ARL15: variants seen among roughly 807,000 people sequenced by gnomAD.
The protein encoded by ARL15 is ADP-ribosylation factor-like protein 15.
A neutral mutation model predicts 25.2 loss-of-function variants in ARL15; 19 were observed. That is an observed-to-expected ratio of 0.75 (90% CI 0.53 to 1.10). The LOEUF (loss-of-function observed/expected upper bound fraction) is 1.10. Among genes scored for constraint, ARL15 ranks in the 50% least tolerant of loss-of-function variants. ARL15 has a pLI of 0.00. For synonymous variants in ARL15, 94 were observed against 86.8 expected (o/e 1.08, Z -0.46); for missense variants, 220 against 246.0 (o/e 0.89, Z 0.71).
intron 1 of ARL15, among the ~76,000 whole-genome samples, chr5:54,221,473 T>A (rs1216094674): frequency 1.3e-5 from 2 of 152,288 alleles, no homozygotes; most frequent in Admixed American, 1.3e-4. Flanking sequence ...TCCTCTTACT[T>A]AAGGGATTTT....
At chr5:54,303,715 G>GA (rs1228795206) in intron 1 of ARL15, among the ~76,000 whole-genome samples, 2 of 126,892 alleles carry the variant, frequency 1.6e-5, no homozygotes, top group South Asian at 2.7e-4. Context: ...AGGAGGAGAG[G>GA]AAAAAAAGAA....
intron 4 of ARL15, among the ~76,000 whole-genome samples, chr5:54,054,336 T>A (rs1359404591): frequency 6.6e-6 from 1 of 152,212 alleles, no homozygotes; most frequent in Non-Finnish European, 1.5e-5. Context: ...CACCAGTGGA[T>A]TATGTATAAG....
chr5:53,935,996 G>A (rs1746338043), intron 4 of ARL15, among the ~76,000 whole-genome samples: 1 of 152,090 alleles, frequency 6.6e-6, no homozygotes, highest in African/African-American at 2.4e-5. Flanking sequence ...TGATCCACCT[G>A]CCTCAGCCTC....
intron 1 of ARL15, among the ~76,000 whole-genome samples, chr5:54,246,138 C>CTT (rs11318745): frequency 6.8e-6 from 1 of 147,576 alleles, no homozygotes; most frequent in Non-Finnish European, 1.5e-5. Flanking sequence ...TCTTCACTCA[C>CTT]TTTTTTTTTT....
intron 4 of ARL15, among the ~76,000 whole-genome samples, chr5:53,892,972 T>C (rs1744768054): frequency 6.6e-6 from 1 of 152,156 alleles, no homozygotes; most frequent in Admixed American, 6.5e-5. Context: ...CAAGAGAGCC[T>C]GAATGGACAG....
intron 3 of ARL15, among the ~76,000 whole-genome samples, chr5:54,148,466 A>T (rs1753974264): frequency 6.6e-6 from 1 of 152,230 alleles, no homozygotes; most frequent in Non-Finnish European, 1.5e-5. Flanking sequence ...GCAAACGAGT[A>T]AATGAACACA....
At chr5:53,899,558 A>G (rs1744997811) in intron 4 of ARL15, among the ~76,000 whole-genome samples, 1 of 151,816 alleles carries the variant, frequency 6.6e-6, no homozygotes, top group South Asian at 2.1e-4. Flanking sequence ...TTTCCTAAGG[A>G]TGAACAAACA....
chr5:54,285,869 G>A (rs560207185), intron 1 of ARL15, among the ~76,000 whole-genome samples: 1 of 152,094 alleles, frequency 6.6e-6, no homozygotes, highest in Non-Finnish European at 1.5e-5. Context: ...AGAGAGTGAC[G>A]ACCCGTTCCA....
intron 4 of ARL15, among the ~76,000 whole-genome samples, chr5:53,898,951 G>A (rs1192950312): frequency 6.6e-6 from 1 of 152,084 alleles, no homozygotes; most frequent in Non-Finnish European, 1.5e-5. Context: ...ACTGTACCCA[G>A]CCCCTTTTTA....
intron 4 of ARL15, among the ~76,000 whole-genome samples, chr5:53,970,867 G>A (rs1747729678): frequency 6.6e-6 from 1 of 152,156 alleles, no homozygotes; most frequent in African/African-American, 2.4e-5. Context: ...AAACACACTG[G>A]CTAGTGCCAA....
intron 1 of ARL15, among the ~76,000 whole-genome samples, chr5:54,209,183 AAGATGTGTGTTGGGGTGAATGGAG>A (rs1447621416): frequency 1.3e-5 from 2 of 152,160 alleles, no homozygotes; most frequent in African/African-American, 2.4e-5. Context: ...GGGGGAGGTA[AAGATGTGTGTTGGGGTGAATGGAG>A]AGAGAAAAGA....
chr5:53,936,372 A>G (rs972251660), intron 4 of ARL15, among the ~76,000 whole-genome samples: 1 of 152,212 alleles, frequency 6.6e-6, no homozygotes, highest in Non-Finnish European at 1.5e-5. Flanking sequence ...TCAAGGTCAC[A>G]TGGCTAGAAA....
intron 1 of ARL15, among the ~76,000 whole-genome samples, chr5:54,288,142 T>C (rs1466080199): frequency 1.3e-5 from 2 of 152,188 alleles, no homozygotes; most frequent in Admixed American, 6.5e-5. Context: ...CCAGGAGAAG[T>C]AGACCCAGAG....
At chr5:54,158,613 G>A (rs1455500707) in intron 2 of ARL15, among the ~76,000 whole-genome samples, 1 of 152,176 alleles carries the variant, frequency 6.6e-6, no homozygotes, top group Non-Finnish European at 1.5e-5. Flanking sequence ...GGTGGCTCAC[G>A]CCTGTAATCC....
At chr5:53,964,413 G>A (rs990605510) in intron 4 of ARL15, among the ~76,000 whole-genome samples, 9 of 152,188 alleles carry the variant, frequency 5.9e-5, no homozygotes, top group South Asian at 2.1e-4. Flanking sequence ...ATGCTGGAGT[G>A]CAGTGGCGTG....
At chr5:53,983,021 G>A (rs1748175301) in intron 4 of ARL15, among the ~76,000 whole-genome samples, 4 of 152,128 alleles carry the variant, frequency 2.6e-5, no homozygotes, top group Admixed American at 6.5e-5. Context: ...TCCAGTTTTT[G>A]ATGCAGTTGT....
intron 4 of ARL15, among the ~76,000 whole-genome samples, chr5:53,937,740 T>A (rs1746396771): frequency 6.6e-6 from 1 of 151,514 alleles, no homozygotes; most frequent in Non-Finnish European, 1.5e-5. Flanking sequence ...CACACAATGG[T>A]GAAATCACCT....
At chr5:53,908,170 A>T (rs898027127) in intron 4 of ARL15, among the ~76,000 whole-genome samples, 2 of 152,180 alleles carry the variant, frequency 1.3e-5, no homozygotes, top group African/African-American at 4.8e-5. Flanking sequence ...CAATTATTTT[A>T]TCATTAGTTA....
intron 2 of ARL15, among the ~76,000 whole-genome samples, chr5:54,159,405 T>C (rs1309685155): frequency 6.6e-6 from 1 of 152,020 alleles, no homozygotes; most frequent in African/African-American, 2.4e-5. Context: ...ATCCTAGGAG[T>C]CCGAAGCACA....
Sources: allele counts gnomAD v4.1 joint callset (sites outside exome capture counted in the v4.1 genomes callset), GRCh38; gene constraint gnomAD v4.1.1; transcripts MANE v1.5; gene names NCBI Gene and HGNC (gene_info 2026-07-23, HGNC 2026-07-21).